Variants in XPR1 observed in about 807,000 individuals in gnomAD.
XPR1 encodes xenotropic and polytropic retrovirus receptor 1.
Under a neutral mutation model 87.5 loss-of-function variants are expected in XPR1, and 28 were observed. The ratio of observed to expected loss-of-function variants is 0.32; its 90% confidence interval spans 0.24 to 0.44. The LOEUF is 0.44. XPR1 is among the 20% of genes least tolerant of loss of function. XPR1 has a pLI of 1.00. For missense variants in XPR1, 559 were observed against 862.3 expected, an observed-to-expected ratio of 0.65 and a Z score of 4.41; for synonymous variants, 300 against 306.1, an observed-to-expected ratio of 0.98 and a Z score of 0.21.
chr1:180,778,533 A>T (rs1023159276), intron 2 of XPR1, among the ~76,000 whole-genome samples: 9 of 152,156 alleles, frequency 5.9e-5, no homozygotes, highest in Admixed American at 2.0e-4. Flanking sequence ...GGTAGTGGGA[A>T]GGATTGCTGT....
At chr1:180,694,951 G>GT (rs1657113683) in intron 2 of XPR1, among the ~76,000 whole-genome samples, 1 of 151,896 alleles carries the variant, frequency 6.6e-6, no homozygotes, top group African/African-American at 2.4e-5. Context: ...TCTATTTTTA[G>GT]TTTTTTTCAG....
chr1:180,732,185 T>G (rs1243656609), intron 2 of XPR1, among the ~76,000 whole-genome samples: 1 of 104,500 alleles, frequency 9.6e-6, no homozygotes, highest in African/African-American at 4.5e-5. Context: ...AAAGTGAGAC[T>G]CCATCTCAAA....
chr1:180,643,626 A>T (rs756345878), intron 1 of XPR1, among the ~76,000 whole-genome samples: 4 of 152,202 alleles, frequency 2.6e-5, no homozygotes, highest in Non-Finnish European at 5.9e-5. Flanking sequence ...TTTTATAAGA[A>T]AATAGAGTCT....
intron 11 of XPR1, among the ~76,000 whole-genome samples, chr1:180,855,824 A>G (rs1571898157): frequency 6.6e-6 from 1 of 152,096 alleles, no homozygotes; most frequent in Non-Finnish European, 1.5e-5. Context: ...TCCTTCAGCT[A>G]CCTTCTCCCT....
chr1:180,846,735 C>T (rs920483262), intron 11 of XPR1, among the ~76,000 whole-genome samples: 4 of 151,928 alleles, frequency 2.6e-5, no homozygotes, highest in African/African-American at 9.7e-5. Context: ...GTGTGAGCCA[C>T]GGTGCCTGGC....
Position 180,877,587 on chromosome 1 carries a change from A to G in XPR1, c.1809-2489A>G, listed in dbSNP as rs550723387. Among the ~76,000 whole-genome samples the G allele has an allele frequency of 1.1e-4, 17 of 152,348 alleles. No individual in the cohort carries two copies. The South Asian group carries it at 3.3e-3, about 30-fold the overall frequency. On this transcript the variant is annotated intron_variant, in intron 13 of 14. Coordinates refer to ENST00000367590, the MANE Select transcript of XPR1 (RefSeq NM_004736.4). ...ATCAATGAACTCTCTGGAAGTTAAC[A>G]TAGGAAAGAACCCTAAAGGTGGTTT...
intron 1 of XPR1, among the ~76,000 whole-genome samples, chr1:180,648,996 G>A (rs535263416): frequency 6.6e-6 from 1 of 152,084 alleles, no homozygotes; most frequent in Admixed American, 6.5e-5. Flanking sequence ...TTATGCACTG[G>A]GTTCCTGAAA....
At chr1:180,826,267 G>A (rs1016579259) in intron 9 of XPR1, among the ~76,000 whole-genome samples, 1 of 152,012 alleles carries the variant, frequency 6.6e-6, no homozygotes, top group African/African-American at 2.4e-5. Context: ...AAAATCATTT[G>A]AGGCCAGGTA....
intron 2 of XPR1, among the ~76,000 whole-genome samples, chr1:180,725,204 AT>A (rs1398202868): frequency 1.3e-5 from 2 of 152,230 alleles, no homozygotes; most frequent in African/African-American, 4.8e-5. Flanking sequence ...CCCAAGATTT[AT>A]TGTAGCATCA....
chr1:180,745,064 A>G (rs1008241431), intron 2 of XPR1, among the ~76,000 whole-genome samples: 2 of 152,196 alleles, frequency 1.3e-5, no homozygotes, highest in Non-Finnish European at 2.9e-5. Flanking sequence ...TGCTATTCAG[A>G]TATGGCCTAC....
rs763891286 is a variant in XPR1 at position 180,836,480 on chromosome 1, C to G, written c.1307-42C>G. ...ATGGCTAAATGATGTGAACAAGTTA[C>G]TTTTTTTCAATGGTAATTTTTCTTC... is the stretch of plus-strand genomic sequence containing the variant. On this transcript the variant is annotated intron_variant, in intron 10 of 14. Transcript: ENST00000367590. The G allele has an allele frequency of 2.5e-6, 4 of 1,610,292 alleles. No individual in the cohort carries two copies. The African/African-American group carries it at 5.3e-5, about 22-fold the overall frequency.
At chr1:180,766,433 G>GATTATCAAATATAATTTGATA (rs1454994088) in intron 2 of XPR1, among the ~76,000 whole-genome samples, 8 of 152,206 alleles carry the variant, frequency 5.3e-5, no homozygotes, top group Middle Eastern at 3.4e-3. Flanking sequence ...CATTATTTGG[G>GATTATCAAATATAATTTGATA]TATGTTTGAT....
At chr1:180,691,300 A>G (rs1398270801) in intron 2 of XPR1, among the ~76,000 whole-genome samples, 1 of 152,148 alleles carries the variant, frequency 6.6e-6, no homozygotes, top group Non-Finnish European at 1.5e-5. Flanking sequence ...TTGAAAGACC[A>G]TATGTGAGTT....
At chr1:180,710,914 G>A (rs577497182) in intron 2 of XPR1, among the ~76,000 whole-genome samples, 1 of 152,130 alleles carries the variant, frequency 6.6e-6, no homozygotes, top group African/African-American at 2.4e-5. Flanking sequence ...GCCGGGCGGA[G>A]ACGCTCCTCA....
At chr1:180,721,604 T>C (rs759487200) in intron 2 of XPR1, among the ~76,000 whole-genome samples, 1 of 152,214 alleles carries the variant, frequency 6.6e-6, no homozygotes. Flanking sequence ...ATTTACATTT[T>C]GTTATACAGT....
At chr1:180,653,049 C>G (rs1655345507) in intron 1 of XPR1, among the ~76,000 whole-genome samples, 2 of 152,182 alleles carry the variant, frequency 1.3e-5, no homozygotes, top group South Asian at 4.1e-4. Context: ...CCACTTGGAC[C>G]TCTGCTTAGG....
chr1:180,779,996 A>G (rs556315385), intron 2 of XPR1, among the ~76,000 whole-genome samples: 1 of 152,298 alleles, frequency 6.6e-6, no homozygotes, highest in African/African-American at 2.4e-5. Context: ...GTAGCATGGA[A>G]CAGTACATTA....
At chr1:180,686,667 A>G (rs1199983165) in intron 2 of XPR1, among the ~76,000 whole-genome samples, 1 of 152,176 alleles carries the variant, frequency 6.6e-6, no homozygotes, top group African/African-American at 2.4e-5. Context: ...AAAAAAATAT[A>G]TATCGAGAAT....
intron 13 of XPR1, among the ~76,000 whole-genome samples, chr1:180,879,009 T>A (rs1652755855): frequency 6.6e-6 from 1 of 152,238 alleles, no homozygotes; most frequent in South Asian, 2.1e-4. Flanking sequence ...CGTCCACCTC[T>A]CTACTGAATT....
Sources: gnomAD v4.1 joint callset for allele counts (sites outside exome capture counted in the v4.1 genomes callset) on GRCh38, gnomAD v4.1.1 for gene constraint, MANE v1.5 for transcripts, NCBI Gene and HGNC (gene_info 2026-07-23, HGNC 2026-07-21) for gene names.